Variants in AUTS2 observed in about 807,000 individuals in gnomAD.
The protein encoded by AUTS2 is autism susceptibility gene 2 protein.
In AUTS2, 17 loss-of-function variants were observed where a neutral mutation model predicts 112.4. The observed-to-expected ratio is 0.15, with a 90% CI of 0.10 to 0.23. The LOEUF (loss-of-function observed/expected upper bound fraction) is 0.23, where lower values mean the gene tolerates loss of function less well. Ranked by LOEUF, AUTS2 falls within the 10% of genes least tolerant of loss-of-function variation. The pLI, the probability that AUTS2 is intolerant of heterozygous loss-of-function variation, is 1.00. For synonymous variants in AUTS2, 751 were observed against 702.7 expected (o/e 1.07, Z -1.09); for missense variants, 1,510 against 1,701.6 (o/e 0.89, Z 1.98).
chr7:69,670,334 C>G (rs1014422431), intron 1 of AUTS2, among the ~76,000 whole-genome samples: 5 of 152,006 alleles, frequency 3.3e-5, no homozygotes, highest in Admixed American at 1.3e-4. Context: ...TCCTAATACC[C>G]AATCCTTTCT....
chr7:70,188,784 CTTTT>C (rs530872900), intron 4 of AUTS2, among the ~76,000 whole-genome samples: 3 of 142,800 alleles, frequency 2.1e-5, no homozygotes, highest in Non-Finnish European at 3.1e-5. Context: ...TTCTTTCTTT[CTTTT>C]TTTTTTTTTT....
chr7:70,612,802 T>TA (rs557402758), intron 5 of AUTS2, among the ~76,000 whole-genome samples: 83 of 152,142 alleles, frequency 5.5e-4, no homozygotes, highest in Non-Finnish European at 1.1e-3. Context: ...ATTTTTTTTT[T>TA]AAATCAGAAG....
chr7:70,304,717 C>CTT (rs11464532), intron 4 of AUTS2, among the ~76,000 whole-genome samples: 9,897 of 101,108 alleles, frequency 0.098, 433 homozygotes, highest in African/African-American at 0.13. Context: ...GGATTTTTAA[C>CTT]TTTTTTTTTT....
At chr7:70,621,885 C>T (rs113951521) in intron 5 of AUTS2, among the ~76,000 whole-genome samples, 3,766 of 112,288 alleles carry the variant, frequency 0.034, 104 homozygotes, top group African/African-American at 0.086. Context: ...GAGTCTCTGT[C>T]GCCCAAGCTG....
intron 2 of AUTS2, among the ~76,000 whole-genome samples, chr7:70,074,218 G>T (rs1297923387): frequency 6.6e-6 from 1 of 152,128 alleles, no homozygotes; most frequent in Non-Finnish European, 1.5e-5. Flanking sequence ...CAGTTTGTTG[G>T]TCTCCTGGAA....
At chr7:69,724,596 A>G (rs1187606245) in intron 1 of AUTS2, among the ~76,000 whole-genome samples, 1 of 152,216 alleles carries the variant, frequency 6.6e-6, no homozygotes, top group Non-Finnish European at 1.5e-5. Flanking sequence ...AGGTTACAGA[A>G]TTGGTTAACT....
At chr7:70,523,882 C>T (rs904111803) in intron 5 of AUTS2, among the ~76,000 whole-genome samples, 9 of 152,144 alleles carry the variant, frequency 5.9e-5, no homozygotes, top group African/African-American at 1.9e-4. Flanking sequence ...AGATCTTTCC[C>T]GCCTGGGTTT....
chr7:70,152,237 A>G (rs1807481253), intron 4 of AUTS2, among the ~76,000 whole-genome samples: 1 of 152,280 alleles, frequency 6.6e-6, no homozygotes, highest in South Asian at 2.1e-4. Context: ...GTCTCCAGAG[A>G]GAGGAGGGTG....
chr7:70,532,036 G>T (rs867993012), intron 5 of AUTS2, among the ~76,000 whole-genome samples: 1 of 152,190 alleles, frequency 6.6e-6, no homozygotes, highest in Non-Finnish European at 1.5e-5. Flanking sequence ...TTGGTCTGGG[G>T]ATGGTGCTGG....
intron 2 of AUTS2, among the ~76,000 whole-genome samples, chr7:69,910,889 G>A (rs1444492771): frequency 1.3e-5 from 2 of 152,290 alleles, no homozygotes; most frequent in Admixed American, 1.3e-4. Flanking sequence ...GCCTCTCAAA[G>A]TGCTGGGATT....
chr7:70,449,537 GC>G (rs1796446220), intron 5 of AUTS2, among the ~76,000 whole-genome samples: 1 of 152,152 alleles, frequency 6.6e-6, no homozygotes, highest in African/African-American at 2.4e-5. Flanking sequence ...AGTTGGGCCT[GC>G]AGCAGTGGGT....
intron 4 of AUTS2, among the ~76,000 whole-genome samples, chr7:70,382,009 T>C (rs1204915795): frequency 6.6e-6 from 1 of 152,208 alleles, no homozygotes; most frequent in Non-Finnish European, 1.5e-5. Context: ...TACTTTCTAC[T>C]AATGTCTGTG....
rs538028324 is a variant in AUTS2 at position 70,272,468 on chromosome 7, G to A, written c.660+137897G>A. Among the ~76,000 whole-genome samples, 75 of 152,274 alleles carry A rather than the reference G, an allele frequency of 4.9e-4. 1 individual carries two copies. The highest frequency in any genetic ancestry group is 1.8e-3 in the African/African-American group (73 of 41,558). ...AATTCCTGATGGGGTATGTCATACT[G>A]AACCTCTGAAGTCCCATCGCTTCTT... On this transcript the variant is annotated intron_variant, in intron 4 of 18. Transcript: ENST00000342771.
intron 1 of AUTS2, among the ~76,000 whole-genome samples, chr7:69,705,872 C>T (rs915953421): frequency 2.6e-5 from 4 of 151,970 alleles, no homozygotes; most frequent in African/African-American, 7.3e-5. Flanking sequence ...CATGGTCTTC[C>T]CTCTAGGTGC....
intron 5 of AUTS2, among the ~76,000 whole-genome samples, chr7:70,624,123 T>A (rs906132031): frequency 6.6e-6 from 1 of 152,232 alleles, no homozygotes; most frequent in Non-Finnish European, 1.5e-5. Flanking sequence ...TTGATAATTT[T>A]AAAAAATCAA....
Position 70,435,143 on chromosome 7 carries a change from C to T in AUTS2, c.661-609C>T, listed in dbSNP as rs577396187. ...ACCCTGACCTCTTGTCTTTGGCATA[C>T]TTTTTATAGGGAATGTTCCTTCTAT... On this transcript the variant is annotated intron_variant, in intron 4 of 18. Transcript: ENST00000342771. Among the ~76,000 whole-genome samples, 3 of 152,252 alleles carry T rather than the reference C, an allele frequency of 2.0e-5. No individual in the cohort carries two copies. The East Asian group carries it at 5.8e-4, about 29-fold the overall frequency.
intron 6 of AUTS2, among the ~76,000 whole-genome samples, chr7:70,755,917 A>G (rs188567703): frequency 7.9e-5 from 12 of 152,148 alleles, no homozygotes; most frequent in African/African-American, 2.4e-4. Flanking sequence ...TGCTGTGTTT[A>G]ATAACAAAGT....
At chr7:70,544,619 A>C (rs1374470918) in intron 5 of AUTS2, among the ~76,000 whole-genome samples, 1 of 152,218 alleles carries the variant, frequency 6.6e-6, no homozygotes, top group Non-Finnish European at 1.5e-5. Flanking sequence ...AAAATCACAC[A>C]GGCCTGCAGT....
intron 5 of AUTS2, among the ~76,000 whole-genome samples, chr7:70,495,378 G>A (rs1399972485): frequency 6.6e-6 from 1 of 151,842 alleles, no homozygotes; most frequent in African/African-American, 2.4e-5. Flanking sequence ...AGCTTACTTG[G>A]TCAACCACTG....
Sources: gnomAD v4.1 joint callset for allele counts (sites outside exome capture counted in the v4.1 genomes callset) on GRCh38, gnomAD v4.1.1 for gene constraint, MANE v1.5 for transcripts, NCBI Gene and HGNC (gene_info 2026-07-23, HGNC 2026-07-21) for gene names.